TF: variants seen among roughly 807,000 people sequenced by gnomAD.
TF encodes serotransferrin.
A neutral mutation model predicts 82.4 loss-of-function variants in TF; 55 were observed. The observed-to-expected ratio is 0.67, with a 90% CI of 0.54 to 0.84. The LOEUF (loss-of-function observed/expected upper bound fraction) is 0.84. TF is among the 40% of genes least tolerant of loss of function. TF has a pLI of 0.00. For missense variants in TF, 737 were observed against 868.4 expected, an observed-to-expected ratio of 0.85 and a Z score of 1.90; for synonymous variants, 332 against 332.6, an observed-to-expected ratio of 1.00 and a Z score of 0.02.
chr3:133,778,975 T>A lies in TF; in HGVS notation c.*355T>A, dbSNP rs368597174. ...CAAGGAGACATCTTTTCTAAAAGGGTCTGCGTGATCATTAAAATATAATCA... is the reference window on the plus strand; with the variant it reads ...CAAGGAGACATCTTTTCTAAAAGGGACTGCGTGATCATTAAAATATAATCA... On this transcript the variant is annotated 3_prime_UTR_variant, in exon 17 of 17. Coordinates refer to ENST00000402696, the MANE Select transcript of TF (RefSeq NM_001063.4). 1.9e-4 allele frequency: 59 copies of A among 302,634 alleles called. No homozygotes were observed. Among genetic ancestry groups the A allele is most frequent in the South Asian group, 1.9e-3 (58 of 30,268 alleles). The allele number at this position is 302,634 out of a possible 1,614,324, so 18.7% of individuals were successfully genotyped here.
At chr3:133,734,284 C>T in the TF span, among the ~76,000 whole-genome samples, 1 of 152,150 alleles carries the variant, frequency 6.6e-6, no homozygotes, top group East Asian at 1.9e-4. Flanking sequence ...TACCGTTCTC[C>T]ACTAAAAGGT....
chr3:133,750,102 A>C (rs1220748432), intron 2 of TF, among the ~76,000 whole-genome samples: 1 of 152,156 alleles, frequency 6.6e-6, no homozygotes, highest in Non-Finnish European at 1.5e-5. Flanking sequence ...GTTTCAAGAG[A>C]TACATATTCA....
intron 9 of TF, among the ~76,000 whole-genome samples, chr3:133,759,631 A>G (rs1267938355): frequency 6.6e-6 from 1 of 152,166 alleles, no homozygotes; most frequent in Middle Eastern, 3.2e-3. Flanking sequence ...GTGTGCCACG[A>G]TCACTGAGAT....
the TF span, among the ~76,000 whole-genome samples, chr3:133,665,467 CA>C: frequency 0.18 from 22,628 of 123,684 alleles, 1,885 homozygotes; most frequent in Non-Finnish European, 0.21. Flanking sequence ...GACCCTATCT[CA>C]AAAAAAAAAA....
At chr3:133,748,775 A>T in intron 2 of TF, 191 bp downstream of exon 2, 2 of 724,314 alleles carry the variant, frequency 2.8e-6, no homozygotes, top group Non-Finnish European at 4.7e-6. Context: ...AAAGTCAAAA[A>T]GCACATTAAC....
intron 3 of TF, among the ~76,000 whole-genome samples, chr3:133,754,284 G>A (rs186084631): frequency 6.6e-6 from 1 of 152,182 alleles, no homozygotes; most frequent in East Asian, 1.9e-4. Flanking sequence ...GCCCCTGTTT[G>A]CCTGGAGGGG....
chr3:133,755,673 C>A, intron 5 of TF, 178 bp downstream of exon 5: 1 of 773,646 alleles, frequency 1.3e-6, no homozygotes, highest in Non-Finnish European at 2.1e-6. Context: ...AGCCCATGTT[C>A]CCTTTCATCT....
chr3:133,699,809 G>A, the TF span: 1 of 241,226 alleles, frequency 4.1e-6, no homozygotes, highest in African/African-American at 2.3e-5. Context: ...ATACAGCAGA[G>A]GAATAAAACC....
At chr3:133,721,833 A>G in the TF span, among the ~76,000 whole-genome samples, 18 of 152,088 alleles carry the variant, frequency 1.2e-4, no homozygotes, top group Non-Finnish European at 2.9e-5. Flanking sequence ...CATCATTATC[A>G]TCATCATATA....
the TF span, among the ~76,000 whole-genome samples, chr3:133,733,026 G>A: frequency 1.9e-4 from 29 of 152,184 alleles, no homozygotes; most frequent in Admixed American, 1.9e-3. Flanking sequence ...CTTGTCCTGT[G>A]TTTACTGAAT....
intron 4 of TF, 110 bp downstream of exon 4, chr3:133,754,781 G>T (rs8177220): frequency 0.057 from 68,695 of 1,213,184 alleles, 2,583 homozygotes; most frequent in South Asian, 0.13. Context: ...GAACTCAGGT[G>T]GGGGAAAGAG....
the TF span, among the ~76,000 whole-genome samples, chr3:133,664,253 C>T: frequency 6.6e-6 from 1 of 152,132 alleles, no homozygotes; most frequent in Non-Finnish European, 1.5e-5. Context: ...ATTCCAAGGC[C>T]CCCTACAGAT....
At chr3:133,753,493 T>G (rs113037188) in intron 2 of TF, 102 bp from the exon 3 acceptor site, 3 of 1,009,680 alleles carry the variant, frequency 3.0e-6, no homozygotes, top group South Asian at 2.6e-5. Context: ...GTTCTGGCCC[T>G]GGGTCCGTGG....
At chr3:133,699,924 A>G in the TF span, 1 of 186,180 alleles carries the variant, frequency 5.4e-6, no homozygotes, top group African/African-American at 2.4e-5. Flanking sequence ...ATGAGTTCAC[A>G]TGACCCTCTT....
chr3:133,769,033 A>G (rs192918896), intron 13 of TF, among the ~76,000 whole-genome samples: 16 of 152,052 alleles, frequency 1.1e-4, no homozygotes, highest in Admixed American at 9.2e-4. Flanking sequence ...GGCTCAAGCA[A>G]TCCTCCTGTC....
rs1362247362 is a variant in TF at position 133,796,396 on chromosome 3, C to G, written c.*17776C>G. 6.6e-6 allele frequency: 1 copy of G among 152,172 alleles called. No homozygotes were observed. Among genetic ancestry groups the G allele is most frequent in the Non-Finnish European group, 1.5e-5 (1 of 68,060 alleles). 9.4% of individuals were successfully genotyped at this position (152,172 alleles called of 1,614,324 possible). On this transcript the variant is annotated 3_prime_UTR_variant, in exon 17 of 17. Coordinates refer to ENST00000402696, the MANE Select transcript of TF (RefSeq NM_001063.4). ...GAGGCAGAAGAATAGGGTCTGTAGG[C>G]AAGGAATATAAGGCAGATGCATGCT...
chr3:133,672,733 A>AGGGAGGGGAAG, the TF span, among the ~76,000 whole-genome samples: 6 of 105,044 alleles, frequency 5.7e-5, no homozygotes, highest in African/African-American at 7.7e-5. Flanking sequence ...GCAAGAGGGA[A>AGGGAGGGGAAG]GGGAGGGGAA....
At chr3:133,775,231 T>A (rs1045443000) in intron 14 of TF, 25 of 629,446 alleles carry the variant, frequency 4.0e-5, no homozygotes, top group South Asian at 3.9e-4. Context: ...TGGTCAATAA[T>A]CATTCCTGGT....
chr3:133,712,910 C>A, the TF span: 1 of 152,646 alleles, frequency 6.6e-6, no homozygotes, highest in African/African-American at 2.4e-5. Context: ...TTGGAAGGAG[C>A]CAGAATCTAG....
Sources: allele counts gnomAD v4.1 joint callset (sites outside exome capture counted in the v4.1 genomes callset), GRCh38; gene constraint gnomAD v4.1.1; transcripts MANE v1.5; gene names NCBI Gene and HGNC (gene_info 2026-07-23, HGNC 2026-07-21).